GPR158: variants seen among roughly 807,000 people sequenced by gnomAD.
GPR158 encodes G protein-coupled receptor 158.
In GPR158, 30 loss-of-function variants were observed where a neutral mutation model predicts 78.2. The ratio of observed to expected loss-of-function variants is 0.38; its 90% confidence interval spans 0.29 to 0.52. GPR158 has a LOEUF of 0.52. GPR158 is among the 20% of genes least tolerant of loss of function. The pLI is 0.83. For missense variants in GPR158, 1,463 were observed against 1,523.5 expected, an observed-to-expected ratio of 0.96 and a Z score of 0.66; for synonymous variants, 581 against 591.1, an observed-to-expected ratio of 0.98 and a Z score of 0.25.
At chr10:25,255,813 T>C (rs1853882286) in intron 2 of GPR158, among the ~76,000 whole-genome samples, 1 of 152,204 alleles carries the variant, frequency 6.6e-6, no homozygotes, top group Non-Finnish European at 1.5e-5. Context: ...AATCAACTGA[T>C]TTGAGATTAC....
At chr10:25,228,654 A>G (rs920150154) in intron 2 of GPR158, among the ~76,000 whole-genome samples, 3 of 152,172 alleles carry the variant, frequency 2.0e-5, no homozygotes, top group Non-Finnish European at 4.4e-5. Flanking sequence ...AGGCTTGGTA[A>G]GAAGCAGCCA....
intron 1 of GPR158, among the ~76,000 whole-genome samples, chr10:25,205,304 G>GT (rs1853008648): frequency 7.6e-6 from 1 of 131,904 alleles, no homozygotes; most frequent in Non-Finnish European, 1.6e-5. Flanking sequence ...TCTAAATAGT[G>GT]TTCTATTTTT....
chr10:25,207,360 T>C (rs2130664201), intron 1 of GPR158, among the ~76,000 whole-genome samples: 1 of 152,314 alleles, frequency 6.6e-6, no homozygotes, highest in South Asian at 2.1e-4. Flanking sequence ...TCCCCCCTTT[T>C]TAAACTGAAT....
At chr10:25,325,201 T>C (rs1855012465) in intron 2 of GPR158, among the ~76,000 whole-genome samples, 1 of 152,058 alleles carries the variant, frequency 6.6e-6, no homozygotes. Flanking sequence ...AAGGTGAATA[T>C]GGAAGAGATG....
chr10:25,584,209 A>G (rs1564497617), intron 7 of GPR158, among the ~76,000 whole-genome samples: 3 of 152,192 alleles, frequency 2.0e-5, no homozygotes, highest in Admixed American at 6.5e-5. Flanking sequence ...ATTATTTTCT[A>G]AAGAAGAAGC....
intron 5 of GPR158, among the ~76,000 whole-genome samples, chr10:25,546,172 C>T (rs1403422548): frequency 6.6e-6 from 1 of 152,138 alleles, no homozygotes; most frequent in East Asian, 1.9e-4. Context: ...GCTCAGCAGA[C>T]ACAGTGGAGA....
chr10:25,426,543 A>G (rs924264181), intron 4 of GPR158, among the ~76,000 whole-genome samples: 3 of 152,034 alleles, frequency 2.0e-5, no homozygotes, highest in South Asian at 2.1e-4. Context: ...GAAGATTGTT[A>G]TGTCTCAGGG....
intron 5 of GPR158, among the ~76,000 whole-genome samples, chr10:25,521,167 A>G (rs970076791): frequency 4.6e-5 from 7 of 152,232 alleles, no homozygotes; most frequent in Admixed American, 2.0e-4. Context: ...CTCGGAAAGG[A>G]AACTCCCTGA....
chr10:25,279,332 C>G (rs1396864169), intron 2 of GPR158, among the ~76,000 whole-genome samples: 4 of 152,048 alleles, frequency 2.6e-5, no homozygotes, highest in Admixed American at 2.6e-4. Context: ...GATAAGAAAC[C>G]TGACAATGAG....
rs114829491 is a variant in GPR158 at position 25,257,549 on chromosome 10, A to G, written c.1008+36392A>G. Among the ~76,000 whole-genome samples, 296 of 152,234 alleles carry G rather than the reference A, an allele frequency of 1.9e-3. 1 individual carries two copies. Among genetic ancestry groups the G allele is most frequent in the African/African-American group, 6.1e-3 (252 of 41,582 alleles). On this transcript the variant is annotated intron_variant, in intron 2 of 10. Transcript: ENST00000376351. ...ATCTTAGCCAAAAGACTGAGAAGCA[A>G]TCTGCTCTATTTTCTAATCATCAGA...
intron 5 of GPR158, among the ~76,000 whole-genome samples, chr10:25,523,242 G>A (rs1442808385): frequency 6.6e-6 from 1 of 152,200 alleles, no homozygotes; most frequent in East Asian, 1.9e-4. Context: ...GAAGTCCTGT[G>A]GATCCAGGGG....
chr10:25,596,084 G>A (rs1015004766), intron 9 of GPR158, among the ~76,000 whole-genome samples: 2 of 151,976 alleles, frequency 1.3e-5, no homozygotes, highest in African/African-American at 4.8e-5. Flanking sequence ...TTAGATAGAG[G>A]TAAGTGCCAA....
chr10:25,501,602 T>A (rs1039360909), intron 5 of GPR158, among the ~76,000 whole-genome samples: 2 of 152,152 alleles, frequency 1.3e-5, no homozygotes, highest in African/African-American at 4.8e-5. Context: ...TGAAAACTGC[T>A]GTGGACTGGG....
chr10:25,180,875 AAAAG>A (rs1337531867), intron 1 of GPR158, among the ~76,000 whole-genome samples: 1 of 152,122 alleles, frequency 6.6e-6, no homozygotes, highest in Admixed American at 6.6e-5. Flanking sequence ...AGAAAAAAAA[AAAAG>A]AAAGAAAAAT....
chr10:25,322,392 G>GA (rs1046378504), intron 2 of GPR158, among the ~76,000 whole-genome samples: 5 of 144,886 alleles, frequency 3.5e-5, no homozygotes, highest in South Asian at 2.2e-4. Context: ...AAAAAAAAAA[G>GA]AAAAAAAAAG....
intron 2 of GPR158, among the ~76,000 whole-genome samples, chr10:25,389,589 A>G (rs1287229103): frequency 3.9e-5 from 6 of 152,170 alleles, no homozygotes; most frequent in Non-Finnish European, 5.9e-5. Context: ...TCCTGGATGG[A>G]GTACAAGAAC....
intron 2 of GPR158, among the ~76,000 whole-genome samples, chr10:25,285,589 G>C (rs887625944): frequency 2.0e-5 from 3 of 152,102 alleles, no homozygotes; most frequent in East Asian, 1.9e-4. Context: ...TCTGCAGATA[G>C]ATCAACACAT....
chr10:25,562,423 G>A (rs746441300), intron 6 of GPR158, among the ~76,000 whole-genome samples: 1 of 152,028 alleles, frequency 6.6e-6, no homozygotes, highest in African/African-American at 2.4e-5. Context: ...AACATTTGCA[G>A]TTATAAATTT....
chr10:25,322,956 C>T (rs917577125), intron 2 of GPR158, among the ~76,000 whole-genome samples: 1 of 152,148 alleles, frequency 6.6e-6, no homozygotes, highest in African/African-American at 2.4e-5. Flanking sequence ...ACGCCATTCT[C>T]CTGCCTCAGC....
Sources: allele counts gnomAD v4.1 joint callset (sites outside exome capture counted in the v4.1 genomes callset), GRCh38; gene constraint gnomAD v4.1.1; transcripts MANE v1.5; gene names NCBI Gene and HGNC (gene_info 2026-07-23, HGNC 2026-07-21).